Variants in TDRD3 observed in about 807,000 individuals in gnomAD.
The protein encoded by TDRD3 is tudor domain-containing protein 3.
TDRD3 carries 45 observed loss-of-function variants against 86.7 expected under a neutral mutation model. That is an observed-to-expected ratio of 0.52 (90% CI 0.41 to 0.67). The LOEUF (loss-of-function observed/expected upper bound fraction) is 0.67. TDRD3 is among the 30% of genes least tolerant of loss of function. TDRD3 has a pLI of 0.00. For missense variants in TDRD3, 814 were observed against 889.0 expected, an observed-to-expected ratio of 0.92 and a Z score of 1.07; for synonymous variants, 298 against 301.7, an observed-to-expected ratio of 0.99 and a Z score of 0.13.
intron 12 of TDRD3, among the ~76,000 whole-genome samples, chr13:60,554,191 G>A (rs1958133092): frequency 6.6e-6 from 1 of 152,032 alleles, no homozygotes; most frequent in Non-Finnish European, 1.5e-5. Context: ...TCAAAACCTG[G>A]GTTTTGCATA....
intron 2 of TDRD3, among the ~76,000 whole-genome samples, chr13:60,443,689 T>C (rs1300661209): frequency 6.6e-6 from 1 of 151,940 alleles, no homozygotes. Flanking sequence ...TGTTTTCTCC[T>C]TAAGTCTAAC....
intron 5 of TDRD3, among the ~76,000 whole-genome samples, chr13:60,472,237 T>A (rs1253186221): frequency 6.6e-6 from 1 of 152,210 alleles, no homozygotes; most frequent in Non-Finnish European, 1.5e-5. Flanking sequence ...TGGTCTCTAA[T>A]GCTTTTTATA....
At position 60,510,695 on chromosome 13, in the gene TDRD3, T is replaced by C. The variant is rs1417513076; in HGVS notation, c.1081T>C (p.Ser361Pro). The C allele has an allele frequency of 6.2e-7, 1 of 1,605,834 alleles. No homozygotes were observed. The highest frequency in any genetic ancestry group is 8.5e-7 in the Non-Finnish European group (1 of 1,176,142). The change falls in exon 10 of 14, where the codon TCA becomes CCA. Residue 361 changes from serine to proline, a missense_variant. By Grantham distance (74) the Ser-to-Pro change is moderately conservative. Transcript: ENST00000377881. The stretch of plus-strand genomic sequence containing the variant: ...AGAGGACCTGGGAAATGCAAGGCCA[T>C]CAGCACCAAGCACATTATTTGATTT... ...DEEDLGNARP[S>P]APSTLFDFLE...
At chr13:60,475,236 C>T (rs1050899281) in intron 5 of TDRD3, among the ~76,000 whole-genome samples, 12 of 152,094 alleles carry the variant, frequency 7.9e-5, no homozygotes, top group Non-Finnish European at 1.5e-4. Context: ...CTTATTTCCT[C>T]CTCCCACCCT....
rs112754175 is a variant in TDRD3, at chr13:60,470,878, C to T, written c.495+3499C>T. Among the ~76,000 whole-genome samples, 525 of 152,160 alleles carry T rather than the reference C, an allele frequency of 3.5e-3. 4 individuals are homozygous for T. Among genetic ancestry groups the T allele is most frequent in the African/African-American group, 0.012 (495 of 41,520 alleles). ...GATTATAGGTGTAAGCCACCATGCC[C>T]GGCCTTCATTATAGTTTTGATTTGT... On this transcript the variant is annotated intron_variant, in intron 5 of 13. Transcript: ENST00000377881.
chr13:60,558,916 C>A (rs1424412639), intron 12 of TDRD3, among the ~76,000 whole-genome samples: 1 of 150,164 alleles, frequency 6.7e-6, no homozygotes, highest in East Asian at 1.9e-4. Flanking sequence ...GTGGCAAGAA[C>A]CTTTCTTCTT....
chr13:60,458,059 A>C (rs569703942), intron 3 of TDRD3, among the ~76,000 whole-genome samples: 1 of 152,248 alleles, frequency 6.6e-6, no homozygotes, highest in African/African-American at 2.4e-5. Context: ...AACCCACTAA[A>C]AGAGGTGGAG....
intron 1 of TDRD3, among the ~76,000 whole-genome samples, chr13:60,421,128 G>A (rs995981997): frequency 2.6e-5 from 4 of 151,962 alleles, no homozygotes; most frequent in African/African-American, 9.7e-5. Context: ...GAGCATTTGC[G>A]TTTCCATATT....
intron 10 of TDRD3, among the ~76,000 whole-genome samples, chr13:60,520,670 G>GAT (rs1357712509): frequency 2.0e-5 from 3 of 152,174 alleles, no homozygotes; most frequent in Admixed American, 6.5e-5. Flanking sequence ...AGCTCCACAG[G>GAT]ATAGAGGGCA....
chr13:60,505,521 G>T (rs1279187064), intron 8 of TDRD3, among the ~76,000 whole-genome samples: 3 of 152,170 alleles, frequency 2.0e-5, no homozygotes, highest in Non-Finnish European at 4.4e-5. Context: ...AGCTTCAGCA[G>T]ACATAAACAT....
intron 2 of TDRD3, among the ~76,000 whole-genome samples, chr13:60,441,695 A>G (rs752795102): frequency 1.3e-5 from 2 of 152,204 alleles, no homozygotes; most frequent in African/African-American, 4.8e-5. Context: ...GTACCCACAC[A>G]TGCATAGCTA....
intron 5 of TDRD3, among the ~76,000 whole-genome samples, chr13:60,480,678 T>C (rs1956289884): frequency 6.6e-6 from 1 of 152,184 alleles, no homozygotes. Flanking sequence ...GAGGTTTTGT[T>C]CATTTTCTAA....
Position 60,467,450 on chromosome 13 carries a change from A to G in TDRD3, c.495+71A>G, listed in dbSNP as rs764879609. The G allele has an allele frequency of 6.5e-6, 10 of 1,535,304 alleles. No homozygotes were observed. In the East Asian group the frequency reaches 9.0e-5, roughly 14 times the overall value. On this transcript the variant is annotated intron_variant, in intron 5 of 13. Coordinates refer to ENST00000377881, the MANE Select transcript of TDRD3 (RefSeq NM_001146070.2). ...TTTATTGCATTAAAGAGCTCTTTCA[A>G]TAATGAGTAAAATTAGTTCTTTGTG...
chr13:60,503,494 A>G (rs1352038694), intron 8 of TDRD3, among the ~76,000 whole-genome samples: 3 of 152,210 alleles, frequency 2.0e-5, no homozygotes, highest in Non-Finnish European at 4.4e-5. Context: ...TGGAACATAT[A>G]TTAGTATTAT....
At chr13:60,539,321 A>G (rs955811394) in intron 12 of TDRD3, among the ~76,000 whole-genome samples, 1 of 152,156 alleles carries the variant, frequency 6.6e-6, no homozygotes, top group Non-Finnish European at 1.5e-5. Context: ...AGTTTTTATT[A>G]TATGAAACAA....
intron 12 of TDRD3, among the ~76,000 whole-genome samples, chr13:60,543,761 T>C (rs1439151329): frequency 6.6e-6 from 1 of 152,126 alleles, no homozygotes; most frequent in African/African-American, 2.4e-5. Context: ...AGACAAAATA[T>C]ATTCCTGAAA....
At chr13:60,475,749 T>C (rs1178416249) in intron 5 of TDRD3, among the ~76,000 whole-genome samples, 2 of 152,242 alleles carry the variant, frequency 1.3e-5, no homozygotes, top group African/African-American at 4.8e-5. Context: ...TGTTATGAGA[T>C]GGTATCACAT....
intron 7 of TDRD3, among the ~76,000 whole-genome samples, chr13:60,490,690 T>TA (rs1410103238): frequency 1.3e-5 from 2 of 151,290 alleles, no homozygotes; most frequent in African/African-American, 4.9e-5. Flanking sequence ...ATCTAGGATT[T>TA]AAAAAAAAAT....
At chr13:60,466,845 G>A (rs1955946547) in intron 4 of TDRD3, among the ~76,000 whole-genome samples, 1 of 151,898 alleles carries the variant, frequency 6.6e-6, no homozygotes, top group Non-Finnish European at 1.5e-5. Flanking sequence ...CCTCTCTGGT[G>A]GTCTATTCAT....
Sources: allele counts gnomAD v4.1 joint callset (sites outside exome capture counted in the v4.1 genomes callset), GRCh38; gene constraint gnomAD v4.1.1; transcripts MANE v1.5; gene names NCBI Gene and HGNC (gene_info 2026-07-23, HGNC 2026-07-21).